SLC35B1: variants seen among roughly 807,000 people sequenced by gnomAD.
SLC35B1 encodes solute carrier family 35 member B1, also known as ATP/ADP exchanger ER.
A neutral mutation model predicts 36.6 loss-of-function variants in SLC35B1; 27 were observed. The observed-to-expected ratio is 0.74, with a 90% CI of 0.54 to 1.02. The LOEUF is 1.02. Ranked by LOEUF, SLC35B1 falls within the 50% of genes least tolerant of loss-of-function variation. SLC35B1 has a pLI of 0.00. For synonymous variants in SLC35B1, 162 were observed against 152.5 expected (o/e 1.06, Z -0.46); for missense variants, 321 against 383.2 (o/e 0.84, Z 1.35).
At chr17:49,701,612 G>T in intron 8 of SLC35B1, 102 bp from the exon 9 acceptor site, 1 of 867,552 alleles carries the variant, frequency 1.2e-6, no homozygotes, top group Non-Finnish European at 1.9e-6. Context: ...CCAAAATGGG[G>T]GCTTTAAATA....
At chr17:49,704,442 C>A (rs1013178325) in intron 5 of SLC35B1, among the ~76,000 whole-genome samples, 3 of 148,628 alleles carry the variant, frequency 2.0e-5, no homozygotes, top group Non-Finnish European at 4.5e-5. Flanking sequence ...GACTGACAGG[C>A]TAACTGAGCT....
chr17:49,708,017 G>T (rs2073444614), upstream of SLC35B1: 1 of 1,313,164 alleles, frequency 7.6e-7, no homozygotes. Flanking sequence ...TGGCTGCCAA[G>T]GGGGAAACTC....
rs780780283 is a variant in SLC35B1, at chr17:49,703,231, A to T, written c.719T>A (p.Ile240Asn). 4.3e-6 allele frequency: 7 copies of T among 1,613,962 alleles called. No individual in the cohort carries two copies. The highest frequency in any genetic ancestry group is 1.6e-4 in the Middle Eastern group (1 of 6,084). Residue 240 changes from isoleucine (I) to asparagine (N), a missense_variant, in exon 7 of 9, where the codon ATC (isoleucine) becomes AAC (asparagine). Ile to Asn is a moderately radical substitution (Grantham distance 149). Coordinates refer to ENST00000240333, the MANE Select transcript of SLC35B1 (RefSeq NM_005827.4). The stretch of plus-strand genomic sequence containing the variant: ...CAGCCCAAAGAGCAGGATGTTATAG[A>T]TGATGGCAGGGTACCTTTCAGCAAA... ...LSFAERYPAI[I>N]YNILLFGLTS...
upstream of SLC35B1, chr17:49,708,040 C>A (rs528111386): frequency 3.6e-6 from 4 of 1,115,008 alleles, no homozygotes; most frequent in Admixed American, 6.6e-5. Flanking sequence ...CAGAACCCAG[C>A]AACCACTTCC....
At chr17:49,704,926 A>G (rs1317926851) in intron 5 of SLC35B1, 198 bp downstream of exon 5, 3 of 521,662 alleles carry the variant, frequency 5.8e-6, no homozygotes, top group Non-Finnish European at 6.8e-6. Flanking sequence ...CCAGAATGAG[A>G]GCTGAGTTGT....
rs760839841 is a variant in SLC35B1 at position 49,705,230 on chromosome 17, T to C, written c.422A>G (p.Tyr141Cys). The change falls in exon 5 of 9, where the codon TAC becomes TGC. Residue 141 changes from tyrosine (Y) to cysteine (C), a missense_variant. Tyr to Cys is a radical substitution (Grantham distance 194). Transcript: ENST00000240333. The part of the protein sequence containing the change: ...LLKKKYPLAK[Y>C]LCVLLIVAGV... ...AGCCACAATTAACAGCACACACAGG[T>C]ACTTGGCCAACGGGTACTTCTTCTT... 6.2e-7 allele frequency: 1 copy of C among 1,614,176 alleles called. No individual in the cohort carries two copies. Among genetic ancestry groups the C allele is most frequent in the Non-Finnish European group, 8.5e-7 (1 of 1,180,034 alleles).
chr17:49,701,592 C>T (rs1053528928), intron 8 of SLC35B1, 82 bp from the exon 9 acceptor site: 9 of 1,073,156 alleles, frequency 8.4e-6, no homozygotes, highest in Non-Finnish European at 1.3e-5. Context: ...GGGTAGTCGG[C>T]CTTGTATCTC....
In SLC35B1 at chr17:49,707,084, A is replaced by C. The variant is rs370195211; in HGVS notation, c.105-16T>G. On this transcript the variant is annotated splice_polypyrimidine_tract_variant and intron_variant, in intron 1 of 8. Coordinates refer to ENST00000240333, the MANE Select transcript of SLC35B1 (RefSeq NM_005827.4). ...TCCTCTTGTTCTAGAAATGAAATGCATGAGAAAAGAGGGAGAAATTAGTGT... is the reference window on the plus strand; with the variant it reads ...TCCTCTTGTTCTAGAAATGAAATGCCTGAGAAAAGAGGGAGAAATTAGTGT... 4.5e-5 allele frequency: 72 copies of C among 1,586,242 alleles called. No homozygotes were observed. Among genetic ancestry groups the C allele is most frequent in the Non-Finnish European group, 5.7e-5 (66 of 1,155,334 alleles).
chr17:49,704,405 C>A (rs998296208), intron 5 of SLC35B1, among the ~76,000 whole-genome samples, 179 bp from the exon 6 acceptor site: 1 of 151,870 alleles, frequency 6.6e-6, no homozygotes, highest in African/African-American at 2.4e-5. Flanking sequence ...CACTACCCCC[C>A]ACCCCCGCCC....
intron 3 of SLC35B1, 76 bp downstream of exon 3, chr17:49,706,128 A>T: frequency 7.4e-7 from 1 of 1,359,114 alleles, no homozygotes; most frequent in Non-Finnish European, 9.9e-7. Context: ...TTTTTAACTC[A>T]CAGACCTGAG....
In SLC35B1 at chr17:49,706,377, A is replaced by G. The variant is rs764658536; in HGVS notation, c.209-43T>C. 5.1e-4 allele frequency: 424 copies of G among 838,178 alleles called. 3 individuals carry two copies. In the African/African-American group the frequency reaches 7.6e-3, roughly 15 times the overall value. 51.9% of individuals were successfully genotyped at this position (838,178 alleles called of 1,614,324 possible). On this transcript the variant is annotated intron_variant, in intron 2 of 8. Coordinates refer to ENST00000240333, the MANE Select transcript of SLC35B1 (RefSeq NM_005827.4). ...AAAAAAAAAAAAAAGAAAAGAAAAGAAAAAAAAAAAAAAACAAGAGAAACC... is the reference window on the plus strand; with the variant it reads ...AAAAAAAAAAAAAAGAAAAGAAAAGGAAAAAAAAAAAAAACAAGAGAAACC...
Position 49,701,226 on chromosome 17 carries a change from C to T in SLC35B1, c.*232G>A. On this transcript the variant is annotated 3_prime_UTR_variant, in exon 9 of 9. Coordinates refer to ENST00000240333, the MANE Select transcript of SLC35B1 (RefSeq NM_005827.4). ...ATGAACATCCAGCTCTGCCTCTTCCCTCCCTCTTTTATTTACCATAGACTG... is the reference window on the plus strand; with the variant it reads ...ATGAACATCCAGCTCTGCCTCTTCCTTCCCTCTTTTATTTACCATAGACTG... 2.2e-6 allele frequency: 1 copy of T among 459,012 alleles called. No individual in the cohort carries two copies. The highest frequency in any genetic ancestry group is 3.1e-5 in the South Asian group (1 of 32,728). 28.4% of individuals were successfully genotyped at this position (459,012 alleles called of 1,614,324 possible).
chr17:49,705,660 C>CT (rs994437823), intron 4 of SLC35B1: 5 of 638,916 alleles, frequency 7.8e-6, no homozygotes, highest in African/African-American at 7.2e-5. Context: ...CTAGGTCAGC[C>CT]TTTAGCTCCT....
At chr17:49,704,941 A>T in intron 5 of SLC35B1, 183 bp downstream of exon 5, 1 of 555,164 alleles carries the variant, frequency 1.8e-6, no homozygotes, top group Non-Finnish European at 3.2e-6. Context: ...AGTTGTAGTT[A>T]AATATTTCAG....
chr17:49,708,025 C>T, upstream of SLC35B1: 1 of 1,239,486 alleles, frequency 8.1e-7, no homozygotes, highest in East Asian at 2.5e-5. Context: ...AAGGGGGAAA[C>T]TCCTCAGAAC....
rs749486138 is a variant in SLC35B1 at position 49,703,312 on chromosome 17, CA to C, written c.656-19del. ...CAGGATTCCTGAGAAGACATGTCAA[CA>C]AATGTACGGCGCATTTTGTGCACAC... On this transcript the variant is annotated intron_variant, in intron 6 of 8. Coordinates refer to ENST00000240333, the MANE Select transcript of SLC35B1 (RefSeq NM_005827.4). 1.7e-5 allele frequency: 26 copies of C among 1,519,486 alleles called. No individual in the cohort carries two copies. Among genetic ancestry groups the C allele is most frequent in the Non-Finnish European group, 2.4e-5 (26 of 1,095,494 alleles). 94.1% of individuals were successfully genotyped at this position (1,519,486 alleles called of 1,614,324 possible).
At chr17:49,705,052 A>G (rs1840727408) in intron 5 of SLC35B1, 72 bp downstream of exon 5, 3 of 1,517,252 alleles carry the variant, frequency 2.0e-6, no homozygotes, top group Non-Finnish European at 2.7e-6. Context: ...CTGGCCTTCT[A>G]CCTGCCTAGG....
At chr17:49,707,204 T>C in intron 1 of SLC35B1, 136 bp from the exon 2 acceptor site, 2 of 1,315,398 alleles carry the variant, frequency 1.5e-6, no homozygotes, top group South Asian at 1.4e-5. Flanking sequence ...TAAGGACCAC[T>C]AGGCTCATTT....
At chr17:49,708,071 G>A (rs1462024264), upstream of SLC35B1, 2 of 842,550 alleles carry the variant, frequency 2.4e-6, no homozygotes, top group East Asian at 2.6e-5. Context: ...AACCCGCCCT[G>A]GGACCTTGGC....
Sources: gnomAD v4.1 joint callset for allele counts (sites outside exome capture counted in the v4.1 genomes callset) on GRCh38, gnomAD v4.1.1 for gene constraint, MANE v1.5 for transcripts, NCBI Gene and HGNC (gene_info 2026-07-23, HGNC 2026-07-21) for gene names.